Variants in NSMCE2 observed in about 807,000 individuals in gnomAD.
NSMCE2 encodes E3 SUMO-protein ligase NSE2.
NSMCE2 carries 24 observed loss-of-function variants against 23.8 expected under a neutral mutation model. The ratio of observed to expected loss-of-function variants is 1.01; its 90% confidence interval spans 0.73 to 1.42. NSMCE2 has a LOEUF of 1.42. Among genes scored for constraint, NSMCE2 ranks in the 40% most tolerant of loss-of-function variants. NSMCE2 has a pLI of 0.00. For synonymous variants in NSMCE2, 92 were observed against 94.1 expected (o/e 0.98, Z 0.13); for missense variants, 284 against 296.5 (o/e 0.96, Z 0.31).
chr8:125,223,262 G>A (rs1275573790), intron 5 of NSMCE2, among the ~76,000 whole-genome samples: 1 of 151,788 alleles, frequency 6.6e-6, no homozygotes, highest in African/African-American at 2.4e-5. Flanking sequence ...GCAGGCTGAG[G>A]TAGGAGGATT....
intron 5 of NSMCE2, among the ~76,000 whole-genome samples, chr8:125,300,597 G>A (rs1344809973): frequency 1.3e-5 from 2 of 152,142 alleles, no homozygotes; most frequent in African/African-American, 2.4e-5. Flanking sequence ...TCTCTTATTC[G>A]CTATGCCATG....
At chr8:125,158,135 G>T (rs886531290) in intron 4 of NSMCE2, among the ~76,000 whole-genome samples, 1 of 152,168 alleles carries the variant, frequency 6.6e-6, no homozygotes, top group Non-Finnish European at 1.5e-5. Flanking sequence ...TACGAAGGAG[G>T]CTGTGAGATA....
At chr8:125,259,204 T>TG (rs35118249) in intron 5 of NSMCE2, among the ~76,000 whole-genome samples, 7,734 of 152,188 alleles carry the variant, frequency 0.051, 276 homozygotes, top group South Asian at 0.17. Context: ...CACAGAGCTT[T>TG]TAAAGAGAAA....
At chr8:125,299,961 G>A (rs1398626252) in intron 5 of NSMCE2, among the ~76,000 whole-genome samples, 1 of 151,528 alleles carries the variant, frequency 6.6e-6, no homozygotes, top group African/African-American at 2.4e-5. Flanking sequence ...TGGGACTACA[G>A]GTGCACGCCA....
intron 5 of NSMCE2, among the ~76,000 whole-genome samples, chr8:125,265,218 CTT>C (rs1213030919): frequency 4.9e-5 from 7 of 142,306 alleles, no homozygotes; most frequent in African/African-American, 1.3e-4. Context: ...ATTATCATTA[CTT>C]TTTTTTTTTT....
chr8:125,122,297 G>A (rs573829943), intron 3 of NSMCE2, among the ~76,000 whole-genome samples: 84 of 151,792 alleles, frequency 5.5e-4, no homozygotes, highest in African/African-American at 1.8e-3. Flanking sequence ...CTTGATTACC[G>A]TGAATTGACT....
intron 5 of NSMCE2, among the ~76,000 whole-genome samples, chr8:125,191,966 A>G (rs761407815): frequency 9.9e-5 from 15 of 152,224 alleles, no homozygotes; most frequent in Admixed American, 2.6e-4. Context: ...AGGAAAGGGG[A>G]AGTTTTAAAA....
chr8:125,136,367 A>C (rs909294774), intron 3 of NSMCE2, among the ~76,000 whole-genome samples: 9 of 152,222 alleles, frequency 5.9e-5, no homozygotes, highest in African/African-American at 2.2e-4. Flanking sequence ...GTTGGAAAGG[A>C]AATACTAGCT....
intron 7 of NSMCE2, chr8:125,363,330 C>T (rs1360522973): frequency 6.6e-6 from 1 of 152,028 alleles, no homozygotes; most frequent in Non-Finnish European, 1.5e-5. Flanking sequence ...TGGTGAAACT[C>T]TGTCTCTACC....
At chr8:125,187,301 G>A (rs1441470004) in intron 5 of NSMCE2, among the ~76,000 whole-genome samples, 1 of 152,174 alleles carries the variant, frequency 6.6e-6, no homozygotes. Context: ...TAGTGATGGT[G>A]GTGATAACTG....
At chr8:125,331,416 GGCCCTCCCTCATAGGGT>G (rs1208730357) in intron 5 of NSMCE2, among the ~76,000 whole-genome samples, 20 of 152,092 alleles carry the variant, frequency 1.3e-4, no homozygotes, top group Admixed American at 5.2e-4. Context: ...CAGTACTCAG[GGCCCTCCCTCATAGGGT>G]GCTTGTGAAC....
chr8:125,298,435 A>C (rs1238730680), intron 5 of NSMCE2, among the ~76,000 whole-genome samples: 1 of 152,232 alleles, frequency 6.6e-6, no homozygotes, highest in African/African-American at 2.4e-5. Flanking sequence ...TCACCCAGCC[A>C]GTAAACGTGA....
At chr8:125,203,311 T>G (rs1170044746) in intron 5 of NSMCE2, among the ~76,000 whole-genome samples, 2 of 152,140 alleles carry the variant, frequency 1.3e-5, no homozygotes, top group Non-Finnish European at 2.9e-5. Flanking sequence ...TGCCAGATTA[T>G]AGACTGTATC....
chr8:125,178,702 C>T lies in NSMCE2; in HGVS notation c.265-3401C>T, dbSNP rs184384906. Reference sequence around the variant, plus strand: ...TGGCTAACACGGTGAAACCCCGTTTCTACTAAAAATACAAAAAATTAGCCG... The same window carrying T: ...TGGCTAACACGGTGAAACCCCGTTTTTACTAAAAATACAAAAAATTAGCCG... On this transcript the variant is annotated intron_variant, in intron 4 of 7. Transcript: ENST00000287437. Among the ~76,000 whole-genome samples the T allele has an allele frequency of 6.1e-3, 934 of 152,172 alleles. 7 individuals carry two copies. The highest frequency in any genetic ancestry group is 0.021 in the African/African-American group (891 of 41,498).
chr8:125,102,356 C>G lies in NSMCE2; in HGVS notation c.26C>G (p.Ser9Ter). ...ATGCCAGGACGTTCCAGTTCAAATTCAGGTTCAACTGGTTTCATCTCCTTC... is the reference window on the plus strand; with the variant it reads ...ATGCCAGGACGTTCCAGTTCAAATTGAGGTTCAACTGGTTTCATCTCCTTC... MPGRSSSN[S>*]GSTGFISFSG... Residue 9 changes from serine to a stop codon, truncating the protein, a stop_gained, in exon 3 of 8, where the codon TCA becomes TGA. Transcript: ENST00000287437. LOFTEE classifies it high-confidence loss of function. 6.2e-7 allele frequency: 1 copy of G among 1,613,654 alleles called. No individual in the cohort carries two copies.
chr8:125,143,129 G>A (rs1820472923), intron 3 of NSMCE2, among the ~76,000 whole-genome samples: 1 of 151,980 alleles, frequency 6.6e-6, no homozygotes, highest in South Asian at 2.1e-4. Flanking sequence ...CACAGAGGTA[G>A]GTGCATGTAT....
At chr8:125,127,900 T>G (rs1013242085) in intron 3 of NSMCE2, among the ~76,000 whole-genome samples, 2 of 152,328 alleles carry the variant, frequency 1.3e-5, no homozygotes, top group East Asian at 3.9e-4. Context: ...TACAACATTT[T>G]AAGTAATTTT....
chr8:125,115,548 C>T (rs949554731), intron 3 of NSMCE2, among the ~76,000 whole-genome samples: 4 of 152,170 alleles, frequency 2.6e-5, no homozygotes, highest in Non-Finnish European at 1.5e-5. Context: ...GTCAGGAGTT[C>T]AAGACCACCC....
intron 5 of NSMCE2, among the ~76,000 whole-genome samples, chr8:125,245,769 C>T (rs770082808): frequency 6.6e-6 from 1 of 152,194 alleles, no homozygotes; most frequent in Admixed American, 6.5e-5. Flanking sequence ...CTCTGTGGCT[C>T]ACGCATGTAA....
Sources: allele counts gnomAD v4.1 joint callset (sites outside exome capture counted in the v4.1 genomes callset), GRCh38; gene constraint gnomAD v4.1.1; transcripts MANE v1.5; gene names NCBI Gene and HGNC (gene_info 2026-07-23, HGNC 2026-07-21).